The following ROBO1 variants were observed in gnomAD, a reference collection of about 807,000 sequenced individuals.
ROBO1 encodes the protein roundabout guidance receptor 1, also known as roundabout homolog 1.
ROBO1 carries 149 observed loss-of-function variants against 195.9 expected under a neutral mutation model. The observed-to-expected ratio is 0.76, with a 90% confidence interval of 0.67 to 0.87. The LOEUF (loss-of-function observed/expected upper bound fraction) is 0.87, where lower values mean the gene tolerates loss of function less well. Among genes scored for constraint, ROBO1 ranks in the 40% least tolerant of loss-of-function variants. ROBO1 has a pLI of 0.00. For synonymous variants in ROBO1, 816 were observed against 733.2 expected (o/e 1.11, Z -1.82); for missense variants, 1,933 against 2,068.3 (o/e 0.93, Z 1.27).
chr3:79,405,921 G>A (rs1179152230), intron 2 of ROBO1, among the ~76,000 whole-genome samples: 1 of 152,096 alleles, frequency 6.6e-6, no homozygotes, highest in Non-Finnish European at 1.5e-5. Flanking sequence ...GGAAAAAACT[G>A]TTTTGCAGTA....
At position 78,767,969 on chromosome 3, in the gene ROBO1, G is replaced by C. The variant is rs564787709; in HGVS notation, c.500-21069C>G. 5.9e-4 allele frequency among the ~76,000 whole-genome samples: 90 copies of C among 151,950 alleles called. 2 individuals carry two copies. The South Asian group carries it at 0.011, about 19-fold the overall frequency. Reference sequence around the variant, plus strand: ...TATTTCCTTTCTTCTGCTGGGTTTGGGTTTGGTTTGTTCTTGTTTCTCTAG... The same window carrying C: ...TATTTCCTTTCTTCTGCTGGGTTTGCGTTTGGTTTGTTCTTGTTTCTCTAG... On this transcript the variant is annotated intron_variant, in intron 4 of 30. Transcript: ENST00000464233.
At chr3:78,611,921 A>C (rs1422498050) in intron 28 of ROBO1, among the ~76,000 whole-genome samples, 1 of 152,124 alleles carries the variant, frequency 6.6e-6, no homozygotes, top group Non-Finnish European at 1.5e-5. Flanking sequence ...ACTCCTACTG[A>C]CACCTTGATC....
chr3:78,884,696 G>T (rs2036427849), intron 4 of ROBO1, among the ~76,000 whole-genome samples: 1 of 143,276 alleles, frequency 7.0e-6, no homozygotes, highest in Non-Finnish European at 1.5e-5. Context: ...AGGAAGGAAG[G>T]AAGGAAGGAA....
intron 2 of ROBO1, among the ~76,000 whole-genome samples, chr3:79,381,305 C>T (rs1170217394): frequency 2.2e-5 from 3 of 138,124 alleles, no homozygotes; most frequent in South Asian, 2.2e-4. Context: ...TGCAGTGAGC[C>T]GAGACCATGC....
At chr3:79,676,674 A>G (rs981945889) in intron 1 of ROBO1, among the ~76,000 whole-genome samples, 7 of 152,056 alleles carry the variant, frequency 4.6e-5, no homozygotes, top group Admixed American at 2.0e-4. Flanking sequence ...TCTCTAGACA[A>G]CAAGAAAGAG....
At chr3:79,021,651 ATTTTTTTTTTTT>A (rs71127372) in intron 3 of ROBO1, among the ~76,000 whole-genome samples, 1 of 76,888 alleles carries the variant, frequency 1.3e-5, no homozygotes, top group Admixed American at 1.5e-4. Context: ...CCTAGAGATG[ATTTTTTTTTTTT>A]TTTTTTTTTT....
chr3:79,269,051 C>T (rs1006040690), intron 2 of ROBO1, among the ~76,000 whole-genome samples: 2 of 151,582 alleles, frequency 1.3e-5, no homozygotes, highest in Non-Finnish European at 3.0e-5. Flanking sequence ...TTCAATAATA[C>T]TCTAGCCAGT....
At chr3:79,251,465 T>C (rs2082727343) in intron 2 of ROBO1, among the ~76,000 whole-genome samples, 1 of 151,940 alleles carries the variant, frequency 6.6e-6, no homozygotes, top group Non-Finnish European at 1.5e-5. Flanking sequence ...AAAATTTAGG[T>C]GACCAGGCTG....
At chr3:79,463,387 T>A (rs1384756422) in intron 2 of ROBO1, among the ~76,000 whole-genome samples, 38 of 128,726 alleles carry the variant, frequency 3.0e-4, no homozygotes, top group Non-Finnish European at 5.0e-4. Context: ...AAAAAAAACA[T>A]AAAACAAAAA....
chr3:79,212,785 A>T (rs1274412446), intron 2 of ROBO1, among the ~76,000 whole-genome samples: 2 of 151,978 alleles, frequency 1.3e-5, no homozygotes, highest in African/African-American at 2.4e-5. Flanking sequence ...TCACCACTGC[A>T]CTCTAGCCTG....
At chr3:78,774,333 C>T (rs1461833505) in intron 4 of ROBO1, among the ~76,000 whole-genome samples, 7 of 149,666 alleles carry the variant, frequency 4.7e-5, no homozygotes, top group Admixed American at 2.0e-4. Flanking sequence ...TTTTTTGAGA[C>T]GGAGTCTCGC....
At chr3:79,228,928 AC>A (rs1384104556) in intron 2 of ROBO1, among the ~76,000 whole-genome samples, 1 of 152,146 alleles carries the variant, frequency 6.6e-6, no homozygotes, top group Non-Finnish European at 1.5e-5. Flanking sequence ...ATCACAGTGA[AC>A]CCCAAAGCCA....
chr3:79,367,816 C>T (rs2036034445), intron 2 of ROBO1, among the ~76,000 whole-genome samples: 1 of 152,122 alleles, frequency 6.6e-6, no homozygotes, highest in South Asian at 2.1e-4. Flanking sequence ...ATATCATTTT[C>T]CTTTATTAAG....
chr3:78,907,468 G>A (rs182638546), intron 4 of ROBO1, among the ~76,000 whole-genome samples: 19 of 152,076 alleles, frequency 1.2e-4, no homozygotes, highest in Non-Finnish European at 8.8e-5. Context: ...TTGAGATTCC[G>A]CCTTTCAAAT....
intron 4 of ROBO1, among the ~76,000 whole-genome samples, chr3:78,796,755 A>G (rs1035322579): frequency 6.6e-6 from 1 of 152,104 alleles, no homozygotes; most frequent in East Asian, 1.9e-4. Context: ...GGTTATAGCA[A>G]CTAACTCCCT....
At chr3:78,942,188 C>A (rs2040178547) in intron 3 of ROBO1, among the ~76,000 whole-genome samples, 1 of 151,900 alleles carries the variant, frequency 6.6e-6, no homozygotes, top group African/African-American at 2.4e-5. Flanking sequence ...GTAATCCCAG[C>A]AACTCAGGAG....
In ROBO1 at chr3:78,685,800, T is replaced by C. The variant is rs1467452093; in HGVS notation, c.1288A>G (p.Thr430Ala). ...RSDVGYYICQTLNVAGSIITK... is the reference protein window; with the variant it reads ...RSDVGYYICQALNVAGSIITK... ...ATGATGCTTCCAGCAACATTTAAAG[T>C]CTGGCAGATGTAATAACCAACATCA... The change falls in exon 10 of 31, where the codon ACT (threonine) becomes GCT (alanine). Residue 430 changes from threonine to alanine, a missense_variant. Around this residue, in one of 3 missense-constraint regions of ROBO1, gnomAD observed 1,737 missense variants for 1,882.5 expected, o/e 0.92. Transcript: ENST00000464233. 1 of 1,612,400 alleles carries C rather than the reference T, an allele frequency of 6.2e-7. No individual in the cohort carries two copies. Among genetic ancestry groups the C allele is most frequent in the African/African-American group, 1.3e-5 (1 of 74,920 alleles).
intron 1 of ROBO1, among the ~76,000 whole-genome samples, chr3:79,619,756 C>T (rs931617974): frequency 1.4e-4 from 22 of 152,232 alleles, no homozygotes; most frequent in African/African-American, 5.1e-4. Context: ...GGCAACAACC[C>T]TTAGAAGCTT....
At position 79,092,391 on chromosome 3, in the gene ROBO1, T is replaced by C. The variant is rs556958057; in HGVS notation, c.172+33065A>G. 8.1e-4 allele frequency among the ~76,000 whole-genome samples: 123 copies of C among 152,264 alleles called. 1 individual carries two copies. The highest frequency in any genetic ancestry group is 2.8e-3 in the African/African-American group (118 of 41,558). ...CCTTAGATGTCTAAAAAGGCTATGC[T>C]GGTCTGTATTTAAGTGATGTTGGAT... On this transcript the variant is annotated intron_variant, in intron 3 of 30. Transcript: ENST00000464233.
Sources: allele counts gnomAD v4.1 joint callset (sites outside exome capture counted in the v4.1 genomes callset), GRCh38; gene constraint gnomAD v4.1.1; regional missense constraint gnomAD v4.1.1; transcripts MANE v1.5; gene names NCBI Gene and HGNC (gene_info 2026-07-23, HGNC 2026-07-21).